Variants in ATG16L2 observed in about 807,000 individuals in gnomAD.
ATG16L2 encodes protein Atg16l2.
In ATG16L2, 77 loss-of-function variants were observed where a neutral mutation model predicts 84.7. The ratio of observed to expected loss-of-function variants is 0.91; its 90% CI spans 0.76 to 1.10. ATG16L2 has a LOEUF of 1.10. Ranked by LOEUF, ATG16L2 falls within the 50% of genes least tolerant of loss-of-function variation. ATG16L2 has a pLI of 0.00. For missense variants in ATG16L2, 782 were observed against 817.6 expected (o/e 0.96, Z 0.53); for synonymous variants, 361 against 342.8 (o/e 1.05, Z -0.59).
In ATG16L2 at chr11:72,828,511, A is replaced by G; in HGVS notation, c.1622+3A>G. The stretch of plus-strand genomic sequence containing the variant: ...AGCAACATCCGCCAGGTGTTCAGGT[A>G]CCAGCCTCATGCCTGCTGACCCTGT... On this transcript the variant is annotated splice_donor_region_variant and intron_variant, in intron 15 of 17. Transcript: ENST00000321297. 6.2e-7 allele frequency: 1 copy of G among 1,614,158 alleles called. No homozygotes were observed. Among genetic ancestry groups the G allele is most frequent in the Non-Finnish European group, 8.5e-7 (1 of 1,180,030 alleles).
In ATG16L2 at chr11:72,818,184, T is replaced by C. The variant is rs1859796687; in HGVS notation, c.318+329T>C. On this transcript the variant is annotated intron_variant, in intron 3 of 17. Coordinates refer to ENST00000321297, the MANE Select transcript of ATG16L2 (RefSeq NM_033388.2). ...AGCCATCCCCAAGGCCTAGCACCAG[T>C]TGATGCTCAATATACATTTGCAGAC... 3.0e-5 allele frequency: 9 copies of C among 302,242 alleles called. No individual in the cohort carries two copies. In the East Asian group the frequency reaches 6.2e-4, roughly 21 times the overall value. The allele number at this position is 302,242 out of a possible 1,614,324, so 18.7% of individuals were successfully genotyped here.
Position 72,828,489 on chromosome 11 carries a change from A to G in ATG16L2, c.1603A>G (p.Asn535Asp). ...CAAGGTCATCGACCTGCGTGTCAGC[A>G]ACATCCGCCAGGTGTTCAGGTACCA... ...TLKVIDLRVS[N>D]IRQVFRADGF... Residue 535 changes from asparagine to aspartate, a missense_variant, in exon 15 of 18, where the codon AAC becomes GAC. By Grantham distance (23) the Asn-to-Asp change is conservative (BLOSUM62 1). Coordinates refer to ENST00000321297, the MANE Select transcript of ATG16L2 (RefSeq NM_033388.2). 6.2e-7 allele frequency: 1 copy of G among 1,614,138 alleles called. No individual in the cohort carries two copies.
intron 8 of ATG16L2, 110 bp downstream of exon 8, chr11:72,824,232 C>A: frequency 7.3e-7 from 1 of 1,368,298 alleles, no homozygotes; most frequent in Non-Finnish European, 1.0e-6. Context: ...GTGCAGCTGT[C>A]TGCCTGTGAG....
intron 5 of ATG16L2, chr11:72,837,007 G>A (rs1860748632): frequency 6.6e-6 from 1 of 152,284 alleles, no homozygotes; most frequent in Non-Finnish European, 1.5e-5. Flanking sequence ...AACCCTTTGA[G>A]GTTGTGGAAA....
rs11235600 is a variant in ATG16L2, at chr11:72,814,494, C to T, written c.49C>T (p.His17Tyr). 3.2e-6 allele frequency: 5 copies of T among 1,543,080 alleles called. No individual in the cohort carries two copies. The highest frequency in any genetic ancestry group is 5.0e-5 in the East Asian group (2 of 40,158). Reference sequence around the variant, plus strand: ...TGCCCCCGCAGCGCGCTGGAAACGCCACATCGTGCGGCAGCTGCGGCTTCG... The same window carrying T: ...TGCCCCCGCAGCGCGCTGGAAACGCTACATCGTGCGGCAGCTGCGGCTTCG... ...PGAPAARWKR[H>Y]IVRQLRLRDR... Residue 17 changes from histidine (H) to tyrosine (Y), a missense_variant, in exon 1 of 18, where the codon CAC (histidine) becomes TAC (tyrosine). His to Tyr is a moderately conservative substitution (Grantham distance 83). Coordinates refer to ENST00000321297, the MANE Select transcript of ATG16L2 (RefSeq NM_033388.2).
chr11:72,842,885 C>T (rs757397648), exon 6 of ATG16L2: 4 of 1,531,488 alleles, frequency 2.6e-6, no homozygotes, highest in South Asian at 1.1e-5. Context: ...TAATTAACAG[C>T]CGGTTGCTTT....
chr11:72,821,347 G>A, intron 3 of ATG16L2: 3 of 1,161,410 alleles, frequency 2.6e-6, no homozygotes, highest in Non-Finnish European at 3.2e-6. Context: ...TGCTGGGAGC[G>A]GAGCGCTGGC....
chr11:72,826,619 G>T (rs1226427708), intron 12 of ATG16L2, 30 bp downstream of exon 12: 2 of 1,614,024 alleles, frequency 1.2e-6, no homozygotes, highest in South Asian at 1.1e-5. Flanking sequence ...GCTGCCTGGA[G>T]GTCAGAGGTC....
intron 9 of ATG16L2, among the ~76,000 whole-genome samples, 197 bp from the exon 10 acceptor site, chr11:72,825,105 C>T (rs1269042568): frequency 1.3e-5 from 2 of 152,144 alleles, no homozygotes; most frequent in Non-Finnish European, 2.9e-5. Flanking sequence ...ACGGAGGCTG[C>T]TGCAGGGGTC....
At position 72,828,957 on chromosome 11, in the gene ATG16L2, T is replaced by A; in HGVS notation, c.1745T>A (p.Leu582Gln). 1.2e-6 allele frequency: 2 copies of A among 1,614,034 alleles called. No homozygotes were observed. The highest frequency in any genetic ancestry group is 2.2e-5 in the South Asian group (2 of 91,080). Residue 582 changes from leucine (L) to glutamine (Q), a missense_variant, in exon 17 of 18, where the codon CTG (leucine) becomes CAG (glutamine). Transcript: ENST00000321297. Reference protein sequence around the residue: ...LYIWDVDTGKLESRLQGPHCA... With the variant: ...LYIWDVDTGKQESRLQGPHCA... ...ATCTGGGATGTGGACACCGGGAAAC[T>A]GGAGAGCAGACTACAGGGACCCCAT... is the stretch of plus-strand genomic sequence containing the variant.
In ATG16L2 at chr11:72,839,005, TGC is replaced by T. The variant is rs1860820792; in HGVS notation, c.*22-3611_*22-3610del. ...GGGTCTCAGAAATGTTGTGAGCACG[TGC>T]TTTCAACCTAGTCTTCACTATTTCC... On this transcript the variant is annotated intron_variant, in intron 5 of 5. Coordinates refer to the ATG16L2 transcript ENST00000534905. 4.3e-6 allele frequency: 3 copies of T among 703,362 alleles called. No individual in the cohort carries two copies. In the South Asian group the frequency reaches 5.1e-5, roughly 12 times the overall value. 43.6% of individuals were successfully genotyped at this position (703,362 alleles called of 1,614,324 possible).
rs934269755 is a variant in ATG16L2 at position 72,824,425 on chromosome 11, T to G, written c.887+303T>G. 8.9e-6 allele frequency: 5 copies of G among 564,430 alleles called. No homozygotes were observed. The African/African-American group carries it at 9.4e-5, about 11-fold the overall frequency. The allele number at this position is 564,430 out of a possible 1,614,324, so 35.0% of individuals were successfully genotyped here. On this transcript the variant is annotated intron_variant, in intron 8 of 17. Coordinates refer to ENST00000321297, the MANE Select transcript of ATG16L2 (RefSeq NM_033388.2). ...CAATTGGGAAAAATGCTCTGAAATG[T>G]CAGGGACTCATTCAGAGTCACAGAG...
At position 72,829,526 on chromosome 11, in the gene ATG16L2, T is replaced by C; in HGVS notation, c.*136T>C. The C allele has an allele frequency of 2.8e-6, 4 of 1,415,154 alleles. No homozygotes were observed. The highest frequency in any genetic ancestry group is 3.7e-6 in the Non-Finnish European group (4 of 1,084,856). 87.7% of individuals were successfully genotyped at this position (1,415,154 alleles called of 1,614,324 possible). ...GAAGAAGGCCTGGCAGGACCTGGCC[T>C]GTTTGTTTAAAAATGAAGTATGGGT... On this transcript the variant is annotated 3_prime_UTR_variant, in exon 18 of 18. Coordinates refer to ENST00000321297, the MANE Select transcript of ATG16L2 (RefSeq NM_033388.2).
chr11:72,832,283 C>A (rs575870939), downstream of ATG16L2, among the ~76,000 whole-genome samples: 1 of 152,168 alleles, frequency 6.6e-6, no homozygotes, highest in Non-Finnish European at 1.5e-5. Context: ...ACTTTATGGG[C>A]GTCAATCTTA....
In ATG16L2 at chr11:72,820,542, T is replaced by C. The variant is rs1373083976; in HGVS notation, c.319-1126T>C. Among the ~76,000 whole-genome samples, 6 of 152,148 alleles carry C rather than the reference T, an allele frequency of 3.9e-5. No homozygotes were observed. In the South Asian group the frequency reaches 8.3e-4, roughly 21 times the overall value. On this transcript the variant is annotated intron_variant, in intron 3 of 17. Transcript: ENST00000321297. ...AGGTGGTGATCAGATTGCTCAGTGG[T>C]GAAAAGAATTATGTTATAAATGGGG...
At chr11:72,826,470 A>C in intron 11 of ATG16L2, 48 bp from the exon 12 acceptor site, 1 of 1,610,302 alleles carries the variant, frequency 6.2e-7, no homozygotes, top group Non-Finnish European at 8.5e-7. Context: ...GGCCCGAAGA[A>C]TGTTGCCTCC....
intron 7 of ATG16L2, chr11:72,823,805 C>G: frequency 1.7e-6 from 1 of 604,512 alleles, no homozygotes; most frequent in South Asian, 1.5e-5. Context: ...TTGGTGGGTA[C>G]TAGTAGGGTA....
chr11:72,834,447 C>T (rs1461599196), downstream of ATG16L2, among the ~76,000 whole-genome samples: 1 of 152,174 alleles, frequency 6.6e-6, no homozygotes, highest in East Asian at 1.9e-4. Flanking sequence ...AATTTCTTGC[C>T]ATCCAAAGAA....
At chr11:72,828,826 C>G (rs761133127) in intron 16 of ATG16L2, 50 bp downstream of exon 16, 12 of 1,613,944 alleles carry the variant, frequency 7.4e-6, no homozygotes, top group South Asian at 1.1e-5. Flanking sequence ...CTGCCGGACC[C>G]TGTGTGTGCC....
Sources: gnomAD v4.1 joint callset for allele counts (sites outside exome capture counted in the v4.1 genomes callset) on GRCh38, gnomAD v4.1.1 for gene constraint, MANE v1.5 for transcripts, NCBI Gene and HGNC (gene_info 2026-07-23, HGNC 2026-07-21) for gene names.